Variants in DSG1 observed in about 807,000 individuals in gnomAD.
The protein encoded by DSG1 is desmoglein-1.
DSG1 carries 39 observed loss-of-function variants against 97.5 expected under a neutral mutation model. The ratio of observed to expected loss-of-function variants is 0.40; its 90% CI spans 0.31 to 0.52. The LOEUF is 0.52. DSG1 is among the 20% of genes least tolerant of loss of function. The probability of loss-of-function intolerance (pLI) is 0.53; values close to 1 mark genes in which losing one functional copy is unlikely to be tolerated. For missense variants in DSG1, 1,311 were observed against 1,295.4 expected (o/e 1.01, Z -0.18); for synonymous variants, 475 against 443.4 (o/e 1.07, Z -0.90).
rs770068125 is a variant in DSG1 at position 31,327,012 on chromosome 18, A to G, written c.216+7A>G. 1.2e-6 allele frequency: 2 copies of G among 1,613,774 alleles called. No homozygotes were observed. The highest frequency in any genetic ancestry group is 2.2e-5 in the East Asian group (1 of 44,854). On this transcript the variant is annotated splice_region_variant and intron_variant, in intron 3 of 14. Transcript: ENST00000257192. Reference sequence around the variant, plus strand: ...GAGGAACCCAATCGCCAAAGTAGGTATCAACTCCAAAGCATAACATTGAAA... The same window carrying G: ...GAGGAACCCAATCGCCAAAGTAGGTGTCAACTCCAAAGCATAACATTGAAA...
In DSG1 at chr18:31,355,264, T is replaced by C. The variant is rs761104260; in HGVS notation, c.3068T>C (p.Phe1023Ser). The change falls in exon 15 of 15, where the codon TTT becomes TCT. Residue 1023 changes from phenylalanine to serine, a missense_variant. Phe to Ser is a radical substitution (Grantham distance 155). Transcript: ENST00000257192. ...GHMRSSSDHH[F>S]NQTIGSASPS... The stretch of plus-strand genomic sequence containing the variant: ...ATGAGGAGTTCCTCTGACCATCACT[T>C]TAACCAAACCATTGGGTCCGCCTCC... The C allele has an allele frequency of 6.2e-7, 1 of 1,613,390 alleles. No homozygotes were observed. The highest frequency in any genetic ancestry group is 1.1e-5 in the South Asian group (1 of 90,998).
At chr18:31,338,479 T>A (rs2071769108) in intron 10 of DSG1, 25 bp downstream of exon 10, 1 of 1,608,632 alleles carries the variant, frequency 6.2e-7, no homozygotes, top group Non-Finnish European at 8.5e-7. Context: ...TACATTTTTA[T>A]CTTTTCTAGA....
At chr18:31,329,192 C>CT (rs2071705372) in intron 4 of DSG1, among the ~76,000 whole-genome samples, 2 of 152,108 alleles carry the variant, frequency 1.3e-5, no homozygotes, top group South Asian at 4.1e-4. Flanking sequence ...CCTCTGTTTT[C>CT]TGTCTCCCTT....
chr18:31,345,391 T>A (rs1010089226), intron 13 of DSG1: 1 of 152,202 alleles, frequency 6.6e-6, no homozygotes, highest in African/African-American at 2.4e-5. Flanking sequence ...CCAATTTGCG[T>A]ATCATCCTGT....
intron 6 of DSG1, 46 bp from the exon 7 acceptor site, chr18:31,333,543 G>A: frequency 6.2e-7 from 1 of 1,612,764 alleles, no homozygotes; most frequent in Non-Finnish European, 8.5e-7. Context: ...ACAAAGTAAA[G>A]GCTGTCTACG....
intron 1 of DSG1, among the ~76,000 whole-genome samples, chr18:31,322,507 A>G (rs1332275743): frequency 6.6e-6 from 1 of 152,226 alleles, no homozygotes; most frequent in Non-Finnish European, 1.5e-5. Flanking sequence ...ATACACATTC[A>G]GTATGTACTT....
chr18:31,355,184 A>G lies in DSG1; in HGVS notation c.2988A>G (p.Ile996Met), dbSNP rs761375382. ...AGSGALSGAGISGGGIGLSSL... is the reference protein window; with the variant it reads ...AGSGALSGAGMSGGGIGLSSL... The stretch of plus-strand genomic sequence containing the variant: ...GCGGTGCCCTGAGTGGAGCTGGCAT[A>G]AGTGGTGGTGGCATTGGCCTGAGCA... The change falls in exon 15 of 15, where the codon ATA becomes ATG. Residue 996 changes from isoleucine (I) to methionine (M), a missense_variant. This residue lies in a region of DSG1 where 1,038 missense variants were observed against 964.6 expected (regional missense o/e 1.08). Coordinates refer to ENST00000257192, the MANE Select transcript of DSG1 (RefSeq NM_001942.4). 7 of 1,603,470 alleles carry G rather than the reference A, an allele frequency of 4.4e-6. No individual in the cohort carries two copies. Among genetic ancestry groups the G allele is most frequent in the Admixed American group, 3.4e-5 (2 of 59,622 alleles).
Position 31,328,174 on chromosome 18 carries a change from G to C in DSG1, c.217-15G>C. On this transcript the variant is annotated splice_polypyrimidine_tract_variant and intron_variant, in intron 3 of 14. Transcript: ENST00000257192. ...TTTGCTCCCTCTAATATTTTTACTT[G>C]TGTTCCTTCTGCAGATTCACTCAGA... 1 of 1,612,824 alleles carries C rather than the reference G, an allele frequency of 6.2e-7. No individual in the cohort carries two copies. Among genetic ancestry groups the C allele is most frequent in the Non-Finnish European group, 8.5e-7 (1 of 1,179,206 alleles).
chr18:31,321,922 C>G (rs1031115691), intron 1 of DSG1, among the ~76,000 whole-genome samples: 1 of 152,172 alleles, frequency 6.6e-6, no homozygotes. Flanking sequence ...TGCCAGGCAC[C>G]GCAATTAGAT....
intron 1 of DSG1, among the ~76,000 whole-genome samples, chr18:31,322,744 T>C (rs1284349537): frequency 1.3e-5 from 2 of 152,232 alleles, no homozygotes. Flanking sequence ...GTAACAATTA[T>C]GTTAGAATTC....
At chr18:31,337,951 A>G (rs1303417798) in intron 9 of DSG1, among the ~76,000 whole-genome samples, 3 of 152,238 alleles carry the variant, frequency 2.0e-5, no homozygotes, top group African/African-American at 7.2e-5. Context: ...AGAATAGTTT[A>G]GAATTAGGAG....
chr18:31,342,470 CT>C (rs952884469), intron 11 of DSG1, among the ~76,000 whole-genome samples: 61 of 151,676 alleles, frequency 4.0e-4, no homozygotes, highest in Admixed American at 1.4e-3. Flanking sequence ...TTCTTTTTTC[CT>C]TTCCTCCTTC....
Position 31,334,114 on chromosome 18 carries a change from T to C in DSG1, c.917T>C (p.Val306Ala), listed in dbSNP as rs371165240. The C allele has an allele frequency of 6.2e-7, 1 of 1,608,276 alleles. No individual in the cohort carries two copies. The highest frequency in any genetic ancestry group is 8.5e-7 in the Non-Finnish European group (1 of 1,174,890). The change falls in exon 8 of 15, where the codon GTA becomes GCA. Residue 306 changes from valine to alanine, a missense_variant. Physicochemically the swap from Val to Ala is moderately conservative, Grantham distance 64. Transcript: ENST00000257192. The part of the protein sequence containing the change: ...DEEFSANWMA[V>A]IFFISGNEGN... The stretch of plus-strand genomic sequence containing the variant: ...GAGTTCTCAGCTAACTGGATGGCAG[T>C]AATTTTCTTTATCTCTGGAAATGAA...
Position 31,355,235 on chromosome 18 carries a change from C to T in DSG1, c.3039C>T (p.Gly1013=), listed in dbSNP as rs868642731. The T allele has an allele frequency of 6.2e-7, 1 of 1,608,400 alleles. No homozygotes were observed. The highest frequency in any genetic ancestry group is 8.5e-7 in the Non-Finnish European group (1 of 1,176,298). ...GCTTGGGAGGGACAGCCAGCATTGGCCACATGAGGAGTTCCTCTGACCATC... is the reference window on the plus strand; with the variant it reads ...GCTTGGGAGGGACAGCCAGCATTGGTCACATGAGGAGTTCCTCTGACCATC... ...LSSLGGTASI[G]HMRSSSDHHF... Residue 1013 remains glycine (G), a synonymous_variant, in exon 15 of 15, where the codon GGC becomes GGT. Transcript: ENST00000257192.
chr18:31,335,497 C>G (rs1419651755), intron 8 of DSG1, among the ~76,000 whole-genome samples: 4 of 151,674 alleles, frequency 2.6e-5, no homozygotes, highest in African/African-American at 7.3e-5. Context: ...TATATTAAAT[C>G]CTTTGTTATA....
Position 31,318,191 on chromosome 18 carries a change from T to C in DSG1, c.-110T>C. 1 of 969,650 alleles carries C rather than the reference T, an allele frequency of 1.0e-6. No homozygotes were observed. The allele number at this position is 969,650 out of a possible 1,614,324, so 60.1% of individuals were successfully genotyped here. A position where few individuals can be genotyped will look rare whatever the true frequency, so the allele number is the denominator to read the frequency against. ...ACCTCAAAGCCTGCATGTAAGAACA[T>C]CTACTGAGAAATTATTTTAATCAGA... On this transcript the variant is annotated 5_prime_UTR_variant, in exon 1 of 15. Coordinates refer to ENST00000257192, the MANE Select transcript of DSG1 (RefSeq NM_001942.4).
chr18:31,333,020 T>C (rs1227315700), intron 6 of DSG1, among the ~76,000 whole-genome samples: 1 of 152,178 alleles, frequency 6.6e-6, no homozygotes, highest in Non-Finnish European at 1.5e-5. Context: ...GATGTCTCTA[T>C]AAAACCCCCT....
intron 11 of DSG1, among the ~76,000 whole-genome samples, chr18:31,340,757 G>T (rs1225347333): frequency 6.6e-6 from 1 of 152,148 alleles, no homozygotes; most frequent in Non-Finnish European, 1.5e-5. Context: ...TAAAAGATGC[G>T]CATGACAGCA....
intron 1 of DSG1, among the ~76,000 whole-genome samples, chr18:31,322,925 T>C (rs916685894): frequency 6.6e-5 from 10 of 152,220 alleles, no homozygotes; most frequent in South Asian, 4.1e-4. Flanking sequence ...TGGGGATTTA[T>C]TAAAATTAGC....
Sources: allele counts gnomAD v4.1 joint callset (sites outside exome capture counted in the v4.1 genomes callset), GRCh38; gene constraint gnomAD v4.1.1; regional missense constraint gnomAD v4.1.1; transcripts MANE v1.5; gene names NCBI Gene and HGNC (gene_info 2026-07-23, HGNC 2026-07-21).